The following SFMBT2 variants were observed in gnomAD, a reference collection of about 807,000 sequenced individuals.
SFMBT2 encodes the protein Scm like with four mbt domains 2.
Under a neutral mutation model 110.1 loss-of-function variants are expected in SFMBT2, and 38 were observed. That is an observed-to-expected ratio of 0.35 (90% CI 0.27 to 0.45). The LOEUF (loss-of-function observed/expected upper bound fraction) is 0.45. Among genes scored for constraint, SFMBT2 ranks in the 20% least tolerant of loss-of-function variants. The pLI, the probability that SFMBT2 is intolerant of heterozygous loss-of-function variation, is 1.00. For synonymous variants in SFMBT2, 425 were observed against 425.4 expected (o/e 1.00, Z 0.01); for missense variants, 1,011 against 1,094.9 (o/e 0.92, Z 1.08).
chr10:7,204,343 G>C, intron 12 of SFMBT2: 1 of 985,358 alleles, frequency 1.0e-6, no homozygotes, highest in Non-Finnish European at 1.2e-6. Flanking sequence ...CGTTGTGAGA[G>C]TCTACAGAAG....
At chr10:7,237,688 T>C (rs530801697) in intron 9 of SFMBT2, among the ~76,000 whole-genome samples, 27 of 152,164 alleles carry the variant, frequency 1.8e-4, no homozygotes, top group African/African-American at 5.6e-4. Flanking sequence ...TAGTGGGTGA[T>C]TGACAAACAC....
intron 1 of SFMBT2, among the ~76,000 whole-genome samples, chr10:7,385,351 G>A (rs1002904554): frequency 1.3e-5 from 2 of 152,170 alleles, no homozygotes; most frequent in Non-Finnish European, 2.9e-5. Context: ...AGAGCGGAGG[G>A]TGGCAGCCCA....
chr10:7,315,073 A>G (rs1460597292), intron 4 of SFMBT2, among the ~76,000 whole-genome samples: 1 of 144,464 alleles, frequency 6.9e-6, no homozygotes, highest in Non-Finnish European at 1.6e-5. Context: ...AGAAAGAAAG[A>G]AAGAAAGAAA....
intron 4 of SFMBT2, among the ~76,000 whole-genome samples, chr10:7,292,776 G>C (rs1842297286): frequency 6.6e-6 from 1 of 152,162 alleles, no homozygotes; most frequent in Non-Finnish European, 1.5e-5. Context: ...CAGCACTTTA[G>C]GAGGCTGAGG....
At chr10:7,224,773 TATC>T (rs1363360686) in intron 10 of SFMBT2, among the ~76,000 whole-genome samples, 1 of 152,186 alleles carries the variant, frequency 6.6e-6, no homozygotes, top group African/African-American at 2.4e-5. Context: ...TACTATAAAT[TATC>T]ATCAGACATG....
At chr10:7,284,647 T>A in intron 5 of SFMBT2, 1 of 251,852 alleles carries the variant, frequency 4.0e-6, no homozygotes, top group African/African-American at 2.3e-5. Context: ...TCTCATACTT[T>A]GATTATGTGA....
At chr10:7,206,421 A>C (rs778059709) in intron 11 of SFMBT2, 82 of 985,352 alleles carry the variant, frequency 8.3e-5, no homozygotes, top group Non-Finnish European at 9.8e-5. Flanking sequence ...CAAGCATCAC[A>C]GCTAAACGGA....
At chr10:7,330,102 G>C (rs1363485993) in intron 4 of SFMBT2, among the ~76,000 whole-genome samples, 1 of 152,114 alleles carries the variant, frequency 6.6e-6, no homozygotes, top group Non-Finnish European at 1.5e-5. Flanking sequence ...AAAAATCTCG[G>C]CTGCCCAAAG....
intron 16 of SFMBT2, among the ~76,000 whole-genome samples, chr10:7,184,018 A>C (rs1354723918): frequency 6.6e-6 from 1 of 152,194 alleles, no homozygotes; most frequent in Non-Finnish European, 1.5e-5. Context: ...AAAGGAGTGG[A>C]GGCAAAGTTT....
At chr10:7,399,417 A>G (rs1846013944) in intron 1 of SFMBT2, among the ~76,000 whole-genome samples, 1 of 152,134 alleles carries the variant, frequency 6.6e-6, no homozygotes, top group Admixed American at 6.5e-5. Flanking sequence ...TTTTTAGTAG[A>G]GACGGGGTTT....
chr10:7,316,430 T>C (rs1843013657), intron 4 of SFMBT2, among the ~76,000 whole-genome samples: 1 of 152,046 alleles, frequency 6.6e-6, no homozygotes, highest in Non-Finnish European at 1.5e-5. Context: ...GAAGCGCCAA[T>C]GGGTCAGTGA....
chr10:7,181,982 T>C (rs1838257680), intron 16 of SFMBT2, among the ~76,000 whole-genome samples: 1 of 152,184 alleles, frequency 6.6e-6, no homozygotes, highest in African/African-American at 2.4e-5. Flanking sequence ...CCAGGCACAG[T>C]GGACAGGGGT....
chr10:7,318,626 T>C (rs1051157072), intron 4 of SFMBT2, among the ~76,000 whole-genome samples: 2 of 152,252 alleles, frequency 1.3e-5, no homozygotes, highest in African/African-American at 4.8e-5. Flanking sequence ...ACATCAGTCA[T>C]ACTGATAGAA....
intron 4 of SFMBT2, among the ~76,000 whole-genome samples, chr10:7,291,461 C>A (rs1311112549): frequency 1.3e-5 from 2 of 152,152 alleles, no homozygotes; most frequent in Non-Finnish European, 2.9e-5. Flanking sequence ...TTTTCTTTAA[C>A]AAGATGACCT....
At chr10:7,169,484 C>A (rs1285101533) in intron 20 of SFMBT2, among the ~76,000 whole-genome samples, 1 of 152,206 alleles carries the variant, frequency 6.6e-6, no homozygotes, top group Non-Finnish European at 1.5e-5. Context: ...CAGGAAGTCA[C>A]AGACCTTTTA....
intron 1 of SFMBT2, among the ~76,000 whole-genome samples, chr10:7,404,653 T>C (rs1172678145): frequency 6.6e-6 from 1 of 152,214 alleles, no homozygotes; most frequent in Non-Finnish European, 1.5e-5. Context: ...AAAAACGCAA[T>C]GGATTCTTTC....
intron 1 of SFMBT2, among the ~76,000 whole-genome samples, chr10:7,406,981 T>A (rs1309273833): frequency 6.9e-6 from 1 of 145,290 alleles, no homozygotes; most frequent in Non-Finnish European, 1.5e-5. Context: ...ACCTAGAGGG[T>A]TGGCGGGGGG....
In SFMBT2 at chr10:7,354,087, C is replaced by CAAA. The variant is rs35454902; in HGVS notation, c.436+13559_436+13561dup. Among the ~76,000 whole-genome samples the CAAA allele has an allele frequency of 6.2e-3, 766 of 123,352 alleles. 9 individuals carry two copies. Among genetic ancestry groups the CAAA allele is most frequent in the African/African-American group, 0.022 (734 of 33,526 alleles). The allele number at this position is 123,352 out of a possible 152,430, so 80.9% of individuals were successfully genotyped here. On this transcript the variant is annotated intron_variant, in intron 4 of 20. Coordinates refer to ENST00000397167, the MANE Select transcript of SFMBT2 (RefSeq NM_001387889.1). ...GGGTGACAGAGCGAGACTCCCTCTC[C>CAAA]AAAAAAAAAAAAATATAAATAAAAC...
At chr10:7,205,249 T>A (rs1284310405) in intron 12 of SFMBT2, 2 of 250,640 alleles carry the variant, frequency 8.0e-6, no homozygotes, top group Non-Finnish European at 1.3e-5. Flanking sequence ...ACTAATTTAC[T>A]TATATATGTA....
Sources: gnomAD v4.1 joint callset for allele counts (sites outside exome capture counted in the v4.1 genomes callset) on GRCh38, gnomAD v4.1.1 for gene constraint, MANE v1.5 for transcripts, NCBI Gene and HGNC (gene_info 2026-07-23, HGNC 2026-07-21) for gene names.